Variants in DNAH14 observed in about 807,000 individuals in gnomAD.
The protein encoded by DNAH14 is axonemal beta dynein heavy chain 14.
In DNAH14, 478 loss-of-function variants were observed where a neutral mutation model predicts 520.9. The ratio of observed to expected loss-of-function variants is 0.92; its 90% CI spans 0.85 to 0.99. DNAH14 has a LOEUF of 0.99. DNAH14 is among the 50% of genes least tolerant of loss of function. The pLI, the probability that DNAH14 is intolerant of heterozygous loss-of-function variation, is 0.00. For synonymous variants in DNAH14, 1,581 were observed against 1,757.2 expected (o/e 0.90, Z 2.51); for missense variants, 4,831 against 5,234.5 (o/e 0.92, Z 2.38).
intron 1 of DNAH14, among the ~76,000 whole-genome samples, chr1:224,946,042 A>G (rs1364212947): frequency 1.3e-5 from 2 of 152,224 alleles, no homozygotes; most frequent in Non-Finnish European, 2.9e-5. Context: ...TTAAGTCTGC[A>G]GAGGTTTCTG....
At chr1:225,229,152 G>A (rs1340099745) in intron 41 of DNAH14, among the ~76,000 whole-genome samples, 1 of 152,146 alleles carries the variant, frequency 6.6e-6, no homozygotes, top group African/African-American at 2.4e-5. Flanking sequence ...CTTGGCTGCT[G>A]GACTCTCATC....
intron 17 of DNAH14, among the ~76,000 whole-genome samples, chr1:225,056,493 T>C (rs987821050): frequency 2.0e-5 from 3 of 152,220 alleles, no homozygotes; most frequent in African/African-American, 7.2e-5. Context: ...CTGTTCACTC[T>C]GATGGTAGTT....
chr1:225,016,245 T>C (rs1170866905), intron 10 of DNAH14, among the ~76,000 whole-genome samples: 1 of 152,212 alleles, frequency 6.6e-6, no homozygotes, highest in East Asian at 1.9e-4. Flanking sequence ...TAACTTTTCC[T>C]CCTCAGAATT....
At chr1:225,069,182 G>T (rs1360904945) in intron 17 of DNAH14, among the ~76,000 whole-genome samples, 1 of 150,376 alleles carries the variant, frequency 6.6e-6, no homozygotes, top group Admixed American at 6.6e-5. Context: ...GACTTCATAT[G>T]TGGATGCCCT....
chr1:225,008,807 A>C (rs1018683513), intron 10 of DNAH14, among the ~76,000 whole-genome samples: 4 of 151,712 alleles, frequency 2.6e-5, no homozygotes, highest in Non-Finnish European at 2.9e-5. Flanking sequence ...TTCTTTCATG[A>C]CCAGTGATGA....
rs1025234241 is a variant in DNAH14, at chr1:225,312,542, T to G, written c.9240+4132T>G. Among the ~76,000 whole-genome samples, 5 of 152,186 alleles carry G rather than the reference T, an allele frequency of 3.3e-5. No homozygotes were observed. In the East Asian group the frequency reaches 9.6e-4, roughly 29 times the overall value. ...TGTGCTGGTTTTCAAAGGGAATGCT[T>G]CCAGCTTTTGCCCATTCGGTATGAT... On this transcript the variant is annotated intron_variant, in intron 60 of 85. Transcript: ENST00000682510.
chr1:225,008,896 C>T (rs77414544), intron 10 of DNAH14, among the ~76,000 whole-genome samples: 8,781 of 152,102 alleles, frequency 0.058, 347 homozygotes, highest in Non-Finnish European at 0.078. Flanking sequence ...CCTTTTTTGG[C>T]CACATGAATG....
At chr1:225,010,430 TCCTAGGGATGAA>T (rs1228070879) in intron 10 of DNAH14, among the ~76,000 whole-genome samples, 1 of 152,156 alleles carries the variant, frequency 6.6e-6, no homozygotes, top group Non-Finnish European at 1.5e-5. Flanking sequence ...CAGCCTTGCA[TCCTAGGGATGAA>T]CCTGACTTAA....
In DNAH14 at chr1:224,989,728, T is replaced by A. The variant is rs78965372; in HGVS notation, c.831-13055T>A. Among the ~76,000 whole-genome samples, 335 of 152,312 alleles carry A rather than the reference T, an allele frequency of 2.2e-3. 11 individuals are homozygous for A. In the East Asian group the frequency reaches 0.058, roughly 27 times the overall value. On this transcript the variant is annotated intron_variant, in intron 8 of 85. Transcript: ENST00000682510. ...ATGCTCTTTGTCAAGTTGAGGCAGT[T>A]TCTCTCTATTCCTATTTTTCTGAGA...
At chr1:225,266,555 G>A in intron 48 of DNAH14, 86 bp from the exon 49 acceptor site, 1 of 1,046,550 alleles carries the variant, frequency 9.6e-7, no homozygotes, top group Non-Finnish European at 1.3e-6. Flanking sequence ...CCTAATTTGT[G>A]CTTACCCCAA....
chr1:224,938,860 A>T (rs1175081836), intron 1 of DNAH14, among the ~76,000 whole-genome samples: 2 of 152,222 alleles, frequency 1.3e-5, no homozygotes, highest in Non-Finnish European at 2.9e-5. Context: ...CAGCTGTAAA[A>T]AAGAACCCTG....
At chr1:224,975,894 T>G (rs942651066) in intron 8 of DNAH14, among the ~76,000 whole-genome samples, 2 of 152,092 alleles carry the variant, frequency 1.3e-5, no homozygotes, top group Admixed American at 6.6e-5. Flanking sequence ...CACACTGCTT[T>G]GAATGTGTCC....
At chr1:225,043,179 T>A in intron 13 of DNAH14, 65 bp downstream of exon 13, 2 of 1,440,588 alleles carry the variant, frequency 1.4e-6, no homozygotes, top group Non-Finnish European at 1.8e-6. Context: ...CCTGCAATCC[T>A]GGCACTCTGG....
chr1:225,097,195 T>C lies in DNAH14; in HGVS notation c.3651T>C (p.Asn1217=), dbSNP rs992696694. 2 of 1,550,774 alleles carry C rather than the reference T, an allele frequency of 1.3e-6. No individual in the cohort carries two copies. The highest frequency in any genetic ancestry group is 1.4e-5 in the African/African-American group (1 of 73,162). Residue 1217 remains asparagine (N), a synonymous_variant, in exon 22 of 86, where the codon AAT becomes AAC. Coordinates refer to ENST00000682510, the MANE Select transcript of DNAH14 (RefSeq NM_001367479.1). ...TLEEWMNCQR[N]WLYLEPVFHS... is the part of the protein sequence containing the mutation. The stretch of plus-strand genomic sequence containing the variant: ...AGGAATGGATGAATTGTCAAAGAAA[T>C]TGGCTTTATCTTGAACCAGTCTTTC...
At chr1:225,019,958 CAA>C (rs1452500604) in intron 10 of DNAH14, among the ~76,000 whole-genome samples, 1 of 151,656 alleles carries the variant, frequency 6.6e-6, no homozygotes, top group Non-Finnish European at 1.5e-5. Context: ...ACCAGAAAAA[CAA>C]GAGAAAACAA....
intron 17 of DNAH14, among the ~76,000 whole-genome samples, chr1:225,062,664 C>A (rs1013587877): frequency 2.0e-5 from 3 of 152,178 alleles, no homozygotes; most frequent in Non-Finnish European, 4.4e-5. Flanking sequence ...GCAGAACAAT[C>A]TTTTGAAATC....
intron 42 of DNAH14, among the ~76,000 whole-genome samples, chr1:225,231,772 C>A (rs1358790176): frequency 6.6e-6 from 1 of 152,102 alleles, no homozygotes; most frequent in Non-Finnish European, 1.5e-5. Flanking sequence ...GCATTCTAAC[C>A]CAAACCTCCA....
chr1:225,315,031 T>C (rs1418452211), intron 60 of DNAH14, among the ~76,000 whole-genome samples: 1 of 152,170 alleles, frequency 6.6e-6, no homozygotes, highest in Non-Finnish European at 1.5e-5. Context: ...CTGAAGTGTG[T>C]TTTCCAACTT....
intron 81 of DNAH14, among the ~76,000 whole-genome samples, chr1:225,383,067 T>C (rs2095800133): frequency 6.6e-6 from 1 of 152,220 alleles, no homozygotes; most frequent in South Asian, 2.1e-4. Context: ...GAATGGATGC[T>C]GAGAGGGTTT....
Sources: gnomAD v4.1 joint callset for allele counts (sites outside exome capture counted in the v4.1 genomes callset) on GRCh38, gnomAD v4.1.1 for gene constraint, MANE v1.5 for transcripts, NCBI Gene and HGNC (gene_info 2026-07-23, HGNC 2026-07-21) for gene names.